ATP10B: variants seen among roughly 807,000 people sequenced by gnomAD.
ATP10B encodes phospholipid-transporting ATPase VB.
In ATP10B, 122 loss-of-function variants were observed where a neutral mutation model predicts 141.2. That is an observed-to-expected ratio of 0.86 (90% confidence interval 0.75 to 1.00). The LOEUF (loss-of-function observed/expected upper bound fraction) is 1.00, where lower values mean the gene tolerates loss of function less well. ATP10B is among the 50% of genes least tolerant of loss of function. ATP10B has a pLI of 0.00. For missense variants in ATP10B, 1,876 were observed against 1,825.3 expected (o/e 1.03, Z -0.51); for synonymous variants, 685 against 692.0 (o/e 0.99, Z 0.16).
the ATP10B span, among the ~76,000 whole-genome samples, chr5:160,889,492 C>T: frequency 5.3e-5 from 8 of 152,286 alleles, no homozygotes; most frequent in Non-Finnish European, 1.2e-4. Context: ...TCTCTCACTC[C>T]CAACTAATTT....
intron 24 of ATP10B, among the ~76,000 whole-genome samples, chr5:160,589,242 C>T (rs1296628932): frequency 6.6e-6 from 1 of 152,170 alleles, no homozygotes; most frequent in South Asian, 2.1e-4. Flanking sequence ...GAATTCCTGA[C>T]CTCAGGTGAT....
intron 15 of ATP10B, among the ~76,000 whole-genome samples, chr5:160,619,213 C>T (rs1293109122): frequency 3.3e-5 from 5 of 152,116 alleles, no homozygotes; most frequent in East Asian, 3.9e-4. Context: ...GCTAAGGCTG[C>T]CAGGAACCTC....
At chr5:160,779,628 C>A (rs1770587151) in intron 2 of ATP10B, among the ~76,000 whole-genome samples, 1 of 152,164 alleles carries the variant, frequency 6.6e-6, no homozygotes, top group Non-Finnish European at 1.5e-5. Flanking sequence ...GGCCTGCAGT[C>A]TTGGCTAATA....
At chr5:160,910,783 A>T in the ATP10B span, among the ~76,000 whole-genome samples, 2 of 152,228 alleles carry the variant, frequency 1.3e-5, no homozygotes, top group Admixed American at 1.3e-4. Flanking sequence ...TACACGACTC[A>T]GAATCAAGAA....
chr5:160,682,019 T>C (rs1368611056), intron 6 of ATP10B, among the ~76,000 whole-genome samples: 1 of 152,230 alleles, frequency 6.6e-6, no homozygotes, highest in Non-Finnish European at 1.5e-5. Flanking sequence ...TGATGCCAAC[T>C]GTCATTGGCC....
At chr5:160,791,673 A>G (rs1771583154) in intron 1 of ATP10B, among the ~76,000 whole-genome samples, 1 of 152,184 alleles carries the variant, frequency 6.6e-6, no homozygotes, top group East Asian at 1.9e-4. Flanking sequence ...AGTGCAAAGG[A>G]AGCTGTTGCC....
chr5:160,767,587 A>G (rs898171505), intron 2 of ATP10B, among the ~76,000 whole-genome samples: 2 of 150,866 alleles, frequency 1.3e-5, no homozygotes, highest in African/African-American at 4.9e-5. Flanking sequence ...GTAGAAGCAA[A>G]AAAATGACAC....
At chr5:160,718,075 CTA>C (rs1300671436) in intron 2 of ATP10B, among the ~76,000 whole-genome samples, 2 of 152,346 alleles carry the variant, frequency 1.3e-5, no homozygotes, top group Non-Finnish European at 2.9e-5. Flanking sequence ...GGTCTAGAAA[CTA>C]AAGAAATAGG....
the ATP10B span, among the ~76,000 whole-genome samples, chr5:160,869,588 C>T: frequency 6.6e-6 from 1 of 152,102 alleles, no homozygotes; most frequent in Non-Finnish European, 1.5e-5. Flanking sequence ...ACCATTCTAA[C>T]AACAAGTGAA....
chr5:160,884,735 TAAAG>T, the ATP10B span, among the ~76,000 whole-genome samples: 1 of 152,132 alleles, frequency 6.6e-6, no homozygotes, highest in Non-Finnish European at 1.5e-5. Context: ...AAAGTTAATT[TAAAG>T]AAAAGTAAAA....
chr5:160,630,894 TCA>T (rs1393838161), intron 13 of ATP10B, among the ~76,000 whole-genome samples: 1 of 152,240 alleles, frequency 6.6e-6, no homozygotes, highest in Non-Finnish European at 1.5e-5. Flanking sequence ...GAACAGAGGC[TCA>T]CAGTGTTTCT....
At chr5:160,682,136 A>G (rs1401872429) in intron 6 of ATP10B, among the ~76,000 whole-genome samples, 2 of 152,236 alleles carry the variant, frequency 1.3e-5, no homozygotes, top group Non-Finnish European at 2.9e-5. Flanking sequence ...AAAAGTAAAA[A>G]TTCCCAAACT....
intron 3 of ATP10B, among the ~76,000 whole-genome samples, chr5:160,692,458 C>T (rs996645405): frequency 1.3e-5 from 2 of 152,154 alleles, no homozygotes; most frequent in African/African-American, 4.8e-5. Context: ...TCAGGCTGCA[C>T]TTTGACCTAC....
At chr5:160,785,111 AC>A (rs1771038757) in intron 2 of ATP10B, among the ~76,000 whole-genome samples, 1 of 152,090 alleles carries the variant, frequency 6.6e-6, no homozygotes, top group South Asian at 2.1e-4. Flanking sequence ...GAGACAACCC[AC>A]TGAAGAGGTC....
chr5:160,828,411 C>T (rs550695364), intron 1 of ATP10B, among the ~76,000 whole-genome samples: 1 of 152,226 alleles, frequency 6.6e-6, no homozygotes, highest in South Asian at 2.1e-4. Flanking sequence ...TGAACAGACA[C>T]CTCTCAAAAG....
chr5:160,866,908 G>A, the ATP10B span, among the ~76,000 whole-genome samples: 889 of 152,034 alleles, frequency 5.8e-3, 12 homozygotes, highest in African/African-American at 0.02. Context: ...AGATTTATGT[G>A]AACAAATAAA....
At position 160,626,943 on chromosome 5, in the gene ATP10B, G is replaced by T. The variant is rs540845334; in HGVS notation, c.1621-4358C>A. Among the ~76,000 whole-genome samples the T allele has an allele frequency of 8.5e-5, 13 of 152,304 alleles. No individual in the cohort carries two copies. The East Asian group carries it at 2.5e-3, about 29-fold the overall frequency. On this transcript the variant is annotated intron_variant, in intron 13 of 25. Coordinates refer to ENST00000327245, the MANE Select transcript of ATP10B (RefSeq NM_025153.3). ...GGAATCCAGAGAAGGAAATAAACAG[G>T]AACCCTGGTTCCTGAGCTTTGAAGA...
At position 160,617,869 on chromosome 5, in the gene ATP10B, T is replaced by C. The variant is rs749255291; in HGVS notation, c.2521A>G (p.Lys841Glu). 1.4e-5 allele frequency: 22 copies of C among 1,613,554 alleles called. No individual in the cohort carries two copies. In the South Asian group the frequency reaches 2.3e-4, roughly 17 times the overall value. Reference sequence around the variant, plus strand: ...CTTGGAGGAATTGTTCTTACCTTCTTGGCAATGCATAGTGTGCGCAGGCCA... The same window carrying C: ...CTTGGAGGAATTGTTCTTACCTTCTCGGCAATGCATAGTGTGCGCAGGCCA... ...RDGLRTLCIAKKVVSEEDFRR... is the reference protein window; with the variant it reads ...RDGLRTLCIAEKVVSEEDFRR... The change falls in exon 16 of 26, where the codon AAG becomes GAG. Residue 841 changes from lysine (K) to glutamate (E), a missense_variant. Physicochemically the swap from Lys to Glu is moderately conservative, Grantham distance 56. Coordinates refer to ENST00000327245, the MANE Select transcript of ATP10B (RefSeq NM_025153.3).
At chr5:160,598,616 G>A (rs1756893570) in intron 22 of ATP10B, among the ~76,000 whole-genome samples, 154 bp downstream of exon 22, 2 of 152,178 alleles carry the variant, frequency 1.3e-5, no homozygotes, top group Non-Finnish European at 2.9e-5. Context: ...GGTCAGGAAA[G>A]GAGAGAGGAG....
Sources: allele counts gnomAD v4.1 joint callset (sites outside exome capture counted in the v4.1 genomes callset), GRCh38; gene constraint gnomAD v4.1.1; transcripts MANE v1.5; gene names NCBI Gene and HGNC (gene_info 2026-07-23, HGNC 2026-07-21).